ZNF33B: variants seen among roughly 807,000 people sequenced by gnomAD.
ZNF33B encodes zinc finger protein 33B, also known as zinc finger protein 11b (KOX 2).
ZNF33B carries 29 observed loss-of-function variants against 45.8 expected under a neutral mutation model. The observed-to-expected ratio is 0.63, with a 90% confidence interval of 0.47 to 0.86. The LOEUF (loss-of-function observed/expected upper bound fraction) is 0.86. Among genes scored for constraint, ZNF33B ranks in the 40% least tolerant of loss-of-function variants. The pLI, the probability that ZNF33B is intolerant of heterozygous loss-of-function variation, is 0.00. For missense variants in ZNF33B, 831 were observed against 909.9 expected (o/e 0.91, Z 1.12); for synonymous variants, 305 against 307.8 (o/e 0.99, Z 0.10).
chr10:42,617,543 A>G (rs2132115651), intron 4 of ZNF33B, among the ~76,000 whole-genome samples: 1 of 152,336 alleles, frequency 6.6e-6, no homozygotes, highest in Admixed American at 6.5e-5. Flanking sequence ...GATTCATTCA[A>G]TCAATCTTAT....
intron 4 of ZNF33B, among the ~76,000 whole-genome samples, chr10:42,600,214 A>G (rs925356433): frequency 2.0e-5 from 3 of 152,078 alleles, no homozygotes; most frequent in African/African-American, 7.2e-5. Flanking sequence ...ATAAATGTCA[A>G]TTAAGTTATT....
Position 42,604,226 on chromosome 10 carries a change from C to A in ZNF33B, c.251-9527G>T, listed in dbSNP as rs1215111231. Among the ~76,000 whole-genome samples the A allele has an allele frequency of 2.6e-5, 4 of 152,054 alleles. No homozygotes were observed. The South Asian group carries it at 8.3e-4, about 32-fold the overall frequency. ...TTGGGAGGTTGAGGCAGGTGGATCACCTGAGGTCAGGAGTTCAAGACCAAC... is the reference window on the plus strand; with the variant it reads ...TTGGGAGGTTGAGGCAGGTGGATCAACTGAGGTCAGGAGTTCAAGACCAAC... On this transcript the variant is annotated intron_variant, in intron 4 of 4. Transcript: ENST00000359467.
intron 1 of ZNF33B, chr10:42,583,241 G>A: frequency 1.6e-6 from 1 of 642,430 alleles, no homozygotes; most frequent in Non-Finnish European, 2.9e-6. Flanking sequence ...TTAACCAAAG[G>A]AGGGAGACAA....
chr10:42,620,018 C>T (rs1838499389), intron 4 of ZNF33B, among the ~76,000 whole-genome samples: 1 of 151,938 alleles, frequency 6.6e-6, no homozygotes, highest in Non-Finnish European at 1.5e-5. Context: ...GAGTTCAAGA[C>T]GAGCCTGGCC....
chr10:42,621,302 A>C (rs1838573497), intron 4 of ZNF33B, among the ~76,000 whole-genome samples: 1 of 152,102 alleles, frequency 6.6e-6, no homozygotes, highest in South Asian at 2.1e-4. Flanking sequence ...ACTGCACTCC[A>C]GTCTGGGCAA....
chr10:42,637,770 C>A (rs1050239554), intron 1 of ZNF33B, among the ~76,000 whole-genome samples: 4 of 152,100 alleles, frequency 2.6e-5, no homozygotes, highest in Admixed American at 2.6e-4. Flanking sequence ...TCAAGCATTT[C>A]TCTGCCTCAG....
chr10:42,619,177 A>G (rs1239658257), intron 4 of ZNF33B, among the ~76,000 whole-genome samples: 1 of 152,140 alleles, frequency 6.6e-6, no homozygotes, highest in Admixed American at 6.5e-5. Flanking sequence ...ACTCTGGAAA[A>G]TAATTAAAGG....
chr10:42,588,800 T>C (rs1836989244), downstream of ZNF33B, among the ~76,000 whole-genome samples: 1 of 152,166 alleles, frequency 6.6e-6, no homozygotes, highest in Non-Finnish European at 1.5e-5. Context: ...CAGATCTTAC[T>C]GCTTAGGAAT....
intron 4 of ZNF33B, among the ~76,000 whole-genome samples, chr10:42,631,195 T>A (rs1443456258): frequency 5.3e-5 from 8 of 151,890 alleles, no homozygotes; most frequent in Non-Finnish European, 1.2e-4. Flanking sequence ...ATAATTTTGT[T>A]TTTTTTTTAT....
intron 4 of ZNF33B, among the ~76,000 whole-genome samples, chr10:42,610,314 T>C (rs1216779065): frequency 2.0e-5 from 3 of 151,552 alleles, no homozygotes; most frequent in South Asian, 4.1e-4. Flanking sequence ...GGTGGCTGGA[T>C]CACCTGATGT....
At chr10:42,575,953 CAG>C (rs201504742) in intron 1 of ZNF33B, among the ~76,000 whole-genome samples, 19,218 of 151,218 alleles carry the variant, frequency 0.13, 1,545 homozygotes, top group African/African-American at 0.22. Flanking sequence ...AGTGCAATGA[CAG>C]GATCTCAGCT....
At chr10:42,631,016 G>A (rs758662545) in intron 4 of ZNF33B, among the ~76,000 whole-genome samples, 1 of 152,150 alleles carries the variant, frequency 6.6e-6, no homozygotes, top group East Asian at 1.9e-4. Context: ...AATCCTCATG[G>A]CTCACACAGT....
rs1837172641 is a variant in ZNF33B, at chr10:42,592,518, G to T, written c.*95C>A. On this transcript the variant is annotated 3_prime_UTR_variant, in exon 5 of 5. Coordinates refer to ENST00000359467, the MANE Select transcript of ZNF33B (RefSeq NM_006955.3). ...TAAGGCGAGTTTGTGGATAGTTATT[G>T]AACATTCAGGATGTCAACAGGCCCT... 13 of 1,471,340 alleles carry T rather than the reference G, an allele frequency of 8.8e-6. No individual in the cohort carries two copies. Among genetic ancestry groups the T allele is most frequent in the South Asian group, 2.7e-5 (2 of 73,590 alleles). 91.1% of individuals were successfully genotyped at this position (1,471,340 alleles called of 1,614,324 possible).
At chr10:42,629,399 C>T (rs1305520390) in intron 4 of ZNF33B, among the ~76,000 whole-genome samples, 2 of 152,026 alleles carry the variant, frequency 1.3e-5, no homozygotes, top group South Asian at 2.1e-4. Context: ...AACAGGGTGA[C>T]TACAGTCAAA....
At chr10:42,575,619 C>G (rs994960635) in intron 1 of ZNF33B, among the ~76,000 whole-genome samples, 2 of 151,212 alleles carry the variant, frequency 1.3e-5, no homozygotes, top group African/African-American at 4.9e-5. Flanking sequence ...TTGTGTTTAT[C>G]TTTCTATATT....
At chr10:42,597,493 T>C (rs763261831) in intron 4 of ZNF33B, among the ~76,000 whole-genome samples, 9 of 152,142 alleles carry the variant, frequency 5.9e-5, no homozygotes, top group Non-Finnish European at 1.3e-4. Flanking sequence ...TTTCTGGCAC[T>C]CTTTTTGCAA....
In ZNF33B at chr10:42,627,381, T is replaced by C. The variant is rs548433855; in HGVS notation, c.250+4548A>G. Among the ~76,000 whole-genome samples the C allele has an allele frequency of 9.8e-5, 15 of 152,342 alleles. No homozygotes were observed. The East Asian group carries it at 2.9e-3, about 29-fold the overall frequency. On this transcript the variant is annotated intron_variant, in intron 4 of 4. Coordinates refer to ENST00000359467, the MANE Select transcript of ZNF33B (RefSeq NM_006955.3). ...CTGTTAAATGGATGGTGGAGTGATA[T>C]TCCCTGTTTCATTCCAGATATTGAT... is the stretch of plus-strand genomic sequence containing the variant.
At chr10:42,622,687 C>A (rs900866641) in intron 4 of ZNF33B, among the ~76,000 whole-genome samples, 1 of 152,136 alleles carries the variant, frequency 6.6e-6, no homozygotes, top group Non-Finnish European at 1.5e-5. Flanking sequence ...TTACCACAGG[C>A]TGGTGGGAAT....
At chr10:42,603,594 A>T (rs1002994538) in intron 4 of ZNF33B, among the ~76,000 whole-genome samples, 12 of 152,364 alleles carry the variant, frequency 7.9e-5, no homozygotes, top group African/African-American at 2.6e-4. Flanking sequence ...GAATGGCAAC[A>T]TAAAAAGCAA....
Sources: gnomAD v4.1 joint callset for allele counts (sites outside exome capture counted in the v4.1 genomes callset) on GRCh38, gnomAD v4.1.1 for gene constraint, MANE v1.5 for transcripts, NCBI Gene and HGNC (gene_info 2026-07-23, HGNC 2026-07-21) for gene names.